The following CLEC2L variants were observed in gnomAD, a reference collection of about 807,000 sequenced individuals.
CLEC2L encodes C-type lectin domain family 2 member L.
In CLEC2L, 14 loss-of-function variants were observed where a neutral mutation model predicts 23.6. The ratio of observed to expected loss-of-function variants is 0.59; its 90% CI spans 0.39 to 0.93. The LOEUF (loss-of-function observed/expected upper bound fraction) is 0.93. CLEC2L is among the 40% of genes least tolerant of loss of function. The pLI is 0.00. For missense variants in CLEC2L, 264 were observed against 282.4 expected (o/e 0.93, Z 0.47); for synonymous variants, 114 against 121.3 (o/e 0.94, Z 0.40).
chr7:139,524,564 G>C (rs1228641237), intron 1 of CLEC2L, among the ~76,000 whole-genome samples: 1 of 151,206 alleles, frequency 6.6e-6, no homozygotes, highest in Non-Finnish European at 1.5e-5. Flanking sequence ...CCCCGTGGTG[G>C]TGGGGCATGT....
Position 139,540,196 on chromosome 7 carries a change from A to T in CLEC2L, c.266-125A>T, listed in dbSNP as rs1490628664. 4.5e-6 allele frequency: 4 copies of T among 896,368 alleles called. No homozygotes were observed. Among genetic ancestry groups the T allele is most frequent in the African/African-American group, 3.4e-5 (2 of 59,120 alleles). The allele number at this position is 896,368 out of a possible 1,614,324, so 55.5% of individuals were successfully genotyped here. On this transcript the variant is annotated intron_variant, in intron 2 of 4. Coordinates refer to ENST00000422142, the MANE Select transcript of CLEC2L (RefSeq NM_001080511.4). The surrounding 1 kb of genome is among the most constrained non-coding windows in gnomAD (Gnocchi z 5.8). ...CCCTTTTACCTCCAGGCACCAGGAG[A>T]GGACAGCCACATCTGCAGTGTCCCT...
At chr7:139,542,959 G>A (rs1425929833) in intron 4 of CLEC2L, among the ~76,000 whole-genome samples, 1 of 152,160 alleles carries the variant, frequency 6.6e-6, no homozygotes, top group Non-Finnish European at 1.5e-5. Context: ...GCTCTGAGGT[G>A]CCAGCCGGAG....
In CLEC2L at chr7:139,542,359, G is replaced by A. The variant is rs191121578; in HGVS notation, c.533+238G>A. Among the ~76,000 whole-genome samples the A allele has an allele frequency of 2.4e-4, 36 of 152,304 alleles. No homozygotes were observed. The East Asian group carries it at 6.4e-3, about 27-fold the overall frequency. ...CCCTGCAAAGCCATCAGAGCTTCGC[G>A]GTGTCCGGCCCAGGGTCTCTCCACC... On this transcript the variant is annotated intron_variant, in intron 4 of 4. Coordinates refer to ENST00000422142, the MANE Select transcript of CLEC2L (RefSeq NM_001080511.4).
intron 2 of CLEC2L, among the ~76,000 whole-genome samples, chr7:139,537,566 G>A (rs1797676801): frequency 6.6e-6 from 1 of 152,148 alleles, no homozygotes; most frequent in African/African-American, 2.4e-5. Flanking sequence ...GTTTGATGAT[G>A]AGTCACTCTT....
chr7:139,535,522 A>G (rs1797640125), intron 1 of CLEC2L, among the ~76,000 whole-genome samples: 1 of 152,254 alleles, frequency 6.6e-6, no homozygotes, highest in Non-Finnish European at 1.5e-5. Flanking sequence ...TGCAAATTTT[A>G]TGTTATATAT....
Position 139,537,295 on chromosome 7 carries a change from G to A in CLEC2L, c.265+947G>A, listed in dbSNP as rs528369212. Among the ~76,000 whole-genome samples, 127 of 152,106 alleles carry A rather than the reference G, an allele frequency of 8.3e-4. 3 individuals are homozygous for A. In the South Asian group the frequency reaches 0.026, roughly 32 times the overall value. ...GGGGCCTGTAAATTGAACTATCAAA[G>A]ACAAATTAGCAGGAGAAAAGGTAAC... On this transcript the variant is annotated intron_variant, in intron 2 of 4. Transcript: ENST00000422142.
chr7:139,533,481 G>A (rs1202089667), intron 1 of CLEC2L, among the ~76,000 whole-genome samples: 3 of 152,078 alleles, frequency 2.0e-5, no homozygotes, highest in East Asian at 3.9e-4. Context: ...TCAGCCTATC[G>A]AGTAGCTGGG....
chr7:139,534,903 G>A (rs562231785), intron 1 of CLEC2L, among the ~76,000 whole-genome samples: 1 of 151,066 alleles, frequency 6.6e-6, no homozygotes, highest in African/African-American at 2.4e-5. Flanking sequence ...GGATGGAAAC[G>A]CAGTTTAGCC....
intron 1 of CLEC2L, 87 bp from the exon 2 acceptor site, chr7:139,536,186 CT>C (rs1797652717): frequency 1.0e-6 from 1 of 993,528 alleles, no homozygotes; most frequent in Non-Finnish European, 1.5e-6. Context: ...CTACCTCCCC[CT>C]GTTTCTCATT....
chr7:139,523,959 C>A lies in CLEC2L; in HGVS notation c.32C>A (p.Ala11Asp). 1 of 971,136 alleles carries A rather than the reference C, an allele frequency of 1.0e-6. No homozygotes were observed. Among genetic ancestry groups the A allele is most frequent in the South Asian group, 4.6e-5 (1 of 21,570 alleles). 60.2% of individuals were successfully genotyped at this position (971,136 alleles called of 1,614,324 possible). A position where few individuals can be genotyped will look rare whatever the true frequency, so the allele number is the denominator to read the frequency against. MEPAREPPSR[A>D]RPPPPLAARP... The stretch of plus-strand genomic sequence containing the variant: ...CCGGCCCGGGAGCCCCCCTCGCGGG[C>A]CCGGCCGCCGCCGCCCCTCGCCGCG... Residue 11 changes from alanine to aspartate, a missense_variant, in exon 1 of 5, where the codon GCC becomes GAC. Physicochemically the swap from Ala to Asp is moderately radical, Grantham distance 126 (BLOSUM62 -2). Transcript: ENST00000422142. This position sits in a 1 kb window ranked among gnomAD's most constrained non-coding sequence, Gnocchi z 4.1.
Position 139,540,089 on chromosome 7 carries a change from G to T in CLEC2L, c.266-232G>T. 1.9e-6 allele frequency: 1 copy of T among 523,830 alleles called. No homozygotes were observed. Among genetic ancestry groups the T allele is most frequent in the East Asian group, 3.4e-5 (1 of 29,808 alleles). The allele number at this position is 523,830 out of a possible 1,614,324, so 32.4% of individuals were successfully genotyped here. ...GAGACAGAGGAGATCCTAACCCAGG[G>T]GCTGCCCTGCTGTCACTTCCCGTCG... On this transcript the variant is annotated intron_variant, in intron 2 of 4. Transcript: ENST00000422142. The surrounding 1 kb of genome is among the most constrained non-coding windows in gnomAD (Gnocchi z 5.8).
chr7:139,534,310 T>C, intron 1 of CLEC2L: 2 of 1,461,612 alleles, frequency 1.4e-6, no homozygotes, highest in East Asian at 2.3e-5. Flanking sequence ...TGACTACGAA[T>C]CTGTGAATGA....
intron 1 of CLEC2L, among the ~76,000 whole-genome samples, chr7:139,533,421 T>C (rs1291219915): frequency 6.6e-6 from 1 of 152,200 alleles, no homozygotes; most frequent in Non-Finnish European, 1.5e-5. Flanking sequence ...ACTGATGCGA[T>C]CTTGGCTCAC....
In CLEC2L at chr7:139,544,265, G is replaced by A. The variant is rs768735887; in HGVS notation, c.568G>A (p.Val190Met). The A allele has an allele frequency of 3.7e-6, 6 of 1,613,406 alleles. No individual in the cohort carries two copies. The East Asian group carries it at 8.9e-5, about 24-fold the overall frequency. The change falls in exon 5 of 5, where the codon GTG becomes ATG. Residue 190 changes from valine (V) to methionine (M), a missense_variant. Val to Met is a conservative substitution (Grantham distance 21). Transcript: ENST00000422142. ...TIAGPGECVF[V>M]EPTRLVSTEC... ...CGCAGGTCCAGGGGAGTGTGTCTTC[G>A]TGGAGCCCACCAGGCTGGTGTCGAC...
At chr7:139,541,589 G>A (rs189907886) in intron 3 of CLEC2L, among the ~76,000 whole-genome samples, 2 of 152,336 alleles carry the variant, frequency 1.3e-5, no homozygotes, top group East Asian at 1.9e-4. Flanking sequence ...TCCCCAGTCT[G>A]CAGGGAAAGT....
intron 2 of CLEC2L, among the ~76,000 whole-genome samples, chr7:139,537,832 C>G (rs1797680908): frequency 6.6e-6 from 1 of 152,134 alleles, no homozygotes; most frequent in Non-Finnish European, 1.5e-5. Flanking sequence ...GCCTGAGAAA[C>G]ATAGAGTGTG....
intron 1 of CLEC2L, among the ~76,000 whole-genome samples, chr7:139,533,939 A>T (rs1375491580): frequency 1.3e-5 from 2 of 152,214 alleles, no homozygotes; most frequent in Non-Finnish European, 2.9e-5. Context: ...TTGACTAAAA[A>T]AACACTTTCA....
intron 1 of CLEC2L, chr7:139,534,558 G>A (rs1221578440): frequency 1.3e-6 from 1 of 751,058 alleles, no homozygotes; most frequent in Non-Finnish European, 2.5e-6. Flanking sequence ...ATAAATAATT[G>A]TATTGGAAGC....
rs527491720 is a variant in CLEC2L, at chr7:139,528,550, A to T, written c.190+4433A>T. Among the ~76,000 whole-genome samples the T allele has an allele frequency of 7.9e-5, 12 of 152,212 alleles. No homozygotes were observed. In the South Asian group the frequency reaches 2.5e-3, roughly 32 times the overall value. On this transcript the variant is annotated intron_variant, in intron 1 of 4. Coordinates refer to ENST00000422142, the MANE Select transcript of CLEC2L (RefSeq NM_001080511.4). ...TTATAAAACCATCAGATCTTGTGAG[A>T]CTTACTCACTATCACAAGAACAGCA... is the stretch of plus-strand genomic sequence containing the variant.
Sources: gnomAD v4.1 joint callset for allele counts (sites outside exome capture counted in the v4.1 genomes callset) on GRCh38, gnomAD v4.1.1 for gene constraint, Gnocchi (gnomAD v3.1) non-coding constraint, MANE v1.5 for transcripts, NCBI Gene and HGNC (gene_info 2026-07-23, HGNC 2026-07-21) for gene names.